ASAP1: variants seen among roughly 807,000 people sequenced by gnomAD.
ASAP1 encodes the protein arf-GAP with SH3 domain, ANK repeat and PH domain-containing protein 1.
A neutral mutation model predicts 145.2 loss-of-function variants in ASAP1; 43 were observed. The observed-to-expected ratio is 0.30, with a 90% CI of 0.23 to 0.38. The LOEUF is 0.38. Ranked by LOEUF, ASAP1 falls within the 10% of genes least tolerant of loss-of-function variation. The pLI, the probability that ASAP1 is intolerant of heterozygous loss-of-function variation, is 1.00. For missense variants in ASAP1, 1,018 were observed against 1,355.3 expected, an observed-to-expected ratio of 0.75 and a Z score of 3.91; for synonymous variants, 546 against 515.5, an observed-to-expected ratio of 1.06 and a Z score of -0.80.
chr8:130,371,310 G>A (rs534097527), intron 2 of ASAP1, among the ~76,000 whole-genome samples: 1 of 152,324 alleles, frequency 6.6e-6, no homozygotes, highest in Admixed American at 6.5e-5. Context: ...GATTCAAACA[G>A]AAGTCTATCT....
intron 3 of ASAP1, among the ~76,000 whole-genome samples, chr8:130,267,816 G>A (rs1820350593): frequency 6.6e-6 from 1 of 152,236 alleles, no homozygotes; most frequent in South Asian, 2.1e-4. Context: ...TCTATACAAG[G>A]GGATGTTGGG....
intron 11 of ASAP1, among the ~76,000 whole-genome samples, chr8:130,163,730 T>C (rs1200787838): frequency 6.6e-6 from 1 of 152,218 alleles, no homozygotes; most frequent in East Asian, 1.9e-4. Flanking sequence ...ACTGAAGGAA[T>C]GAAATAGGTT....
intron 3 of ASAP1, among the ~76,000 whole-genome samples, chr8:130,345,347 T>C (rs1825644818): frequency 6.6e-6 from 1 of 152,214 alleles, no homozygotes; most frequent in Admixed American, 6.5e-5. Context: ...CCCAGATGCA[T>C]GATGTAAATT....
intron 25 of ASAP1, among the ~76,000 whole-genome samples, chr8:130,081,442 A>G (rs1385129656): frequency 6.6e-6 from 1 of 152,060 alleles, no homozygotes; most frequent in African/African-American, 2.4e-5. Flanking sequence ...CTTTCTTCCT[A>G]TGACTGCTCT....
intron 2 of ASAP1, among the ~76,000 whole-genome samples, chr8:130,371,985 G>A (rs1827234326): frequency 6.6e-6 from 1 of 152,158 alleles, no homozygotes; most frequent in East Asian, 1.9e-4. Flanking sequence ...TTCTACCAGA[G>A]TCATTTTCCC....
chr8:130,204,073 G>A (rs1459350335), intron 5 of ASAP1, among the ~76,000 whole-genome samples: 2 of 152,288 alleles, frequency 1.3e-5, no homozygotes, highest in East Asian at 3.9e-4. Context: ...TCTGTGGCTT[G>A]TTAGGAACCA....
intron 2 of ASAP1, among the ~76,000 whole-genome samples, chr8:130,372,527 G>C (rs1389281173): frequency 6.6e-6 from 1 of 152,238 alleles, no homozygotes; most frequent in Non-Finnish European, 1.5e-5. Flanking sequence ...ACAGCAGGTT[G>C]ATACAGTACT....
intron 3 of ASAP1, among the ~76,000 whole-genome samples, chr8:130,321,596 A>C (rs908070366): frequency 6.8e-6 from 1 of 147,096 alleles, no homozygotes; most frequent in Non-Finnish European, 1.5e-5. Context: ...TAACTACATA[A>C]ACCTAATAAA....
rs191680484 is a variant in ASAP1, at chr8:130,414,711, G to A, written c.-27-12741C>T. Among the ~76,000 whole-genome samples, 507 of 151,198 alleles carry A rather than the reference G, an allele frequency of 3.4e-3. 1 individual carries two copies. Among genetic ancestry groups the A allele is most frequent in the Middle Eastern group, 0.01 (3 of 286 alleles). ...ATGAAATTCTTTTTTCTTGATATACGTGTCTTATTTATGAGGGTGGGAATA... is the reference window on the plus strand; with the variant it reads ...ATGAAATTCTTTTTTCTTGATATACATGTCTTATTTATGAGGGTGGGAATA... On this transcript the variant is annotated intron_variant, in intron 1 of 29. Coordinates refer to ENST00000518721, the MANE Select transcript of ASAP1 (RefSeq NM_018482.4).
chr8:130,330,729 G>A (rs1351877988), intron 3 of ASAP1, among the ~76,000 whole-genome samples: 1 of 152,186 alleles, frequency 6.6e-6, no homozygotes, highest in Non-Finnish European at 1.5e-5. Context: ...ATCTCTATGG[G>A]GAAAGGGACA....
chr8:130,184,902 A>T (rs1362506968), intron 7 of ASAP1, among the ~76,000 whole-genome samples: 2 of 152,210 alleles, frequency 1.3e-5, no homozygotes, highest in Non-Finnish European at 2.9e-5. Flanking sequence ...TTTTACAAGT[A>T]AGGATCATCA....
intron 2 of ASAP1, among the ~76,000 whole-genome samples, chr8:130,366,887 T>C (rs1826977060): frequency 1.3e-5 from 1 of 77,718 alleles, no homozygotes; most frequent in East Asian, 2.7e-4. Flanking sequence ...GCTAGATTCC[T>C]TTTTTTTTTT....
intron 1 of ASAP1, among the ~76,000 whole-genome samples, chr8:130,405,934 T>C (rs62517732): frequency 0.02 from 2,984 of 152,156 alleles, 45 homozygotes; most frequent in Non-Finnish European, 0.033. Context: ...TGAAGATAAA[T>C]ACTGTTCCTA....
chr8:130,236,649 T>C (rs1300852708), intron 4 of ASAP1, among the ~76,000 whole-genome samples: 1 of 152,188 alleles, frequency 6.6e-6, no homozygotes, highest in Middle Eastern at 3.2e-3. Flanking sequence ...ATCTATCTCA[T>C]GTTACTTGTG....
At chr8:130,347,787 G>C (rs1680996384) in intron 3 of ASAP1, among the ~76,000 whole-genome samples, 3 of 152,152 alleles carry the variant, frequency 2.0e-5, no homozygotes, top group Admixed American at 2.0e-4. Flanking sequence ...CTGGAGCTGG[G>C]AATAATTTGG....
At chr8:130,262,921 C>A (rs913781525) in intron 3 of ASAP1, among the ~76,000 whole-genome samples, 2 of 152,130 alleles carry the variant, frequency 1.3e-5, no homozygotes, top group African/African-American at 4.8e-5. Context: ...AACATTCCAA[C>A]CAAAGATCTG....
In ASAP1 at chr8:130,123,893, G is replaced by A. The variant is rs913932198; in HGVS notation, c.1607+120C>T. 1.2e-4 allele frequency: 82 copies of A among 674,890 alleles called. No individual in the cohort carries two copies. The Admixed American group carries it at 2.1e-3, about 17-fold the overall frequency. 41.8% of individuals were successfully genotyped at this position (674,890 alleles called of 1,614,324 possible). ...TCCGTTTGCCTCAGCCTCCCAAAGT[G>A]CTGGGATTACAGGCGTGAGCCACTG... On this transcript the variant is annotated intron_variant, in intron 18 of 29. Transcript: ENST00000518721.
At chr8:130,266,385 A>G (rs1820246479) in intron 3 of ASAP1, among the ~76,000 whole-genome samples, 1 of 152,290 alleles carries the variant, frequency 6.6e-6, no homozygotes, top group East Asian at 1.9e-4. Context: ...TTAATCTCAA[A>G]TAAGTGGTTG....
At chr8:130,322,278 A>C (rs978939401) in intron 3 of ASAP1, among the ~76,000 whole-genome samples, 2 of 151,034 alleles carry the variant, frequency 1.3e-5, no homozygotes, top group African/African-American at 4.9e-5. Context: ...GTCTCTCTGG[A>C]GATGAATTTT....
Sources: gnomAD v4.1 joint callset for allele counts (sites outside exome capture counted in the v4.1 genomes callset) on GRCh38, gnomAD v4.1.1 for gene constraint, MANE v1.5 for transcripts, NCBI Gene and HGNC (gene_info 2026-07-23, HGNC 2026-07-21) for gene names.